SPTAN1: variants seen among roughly 807,000 people sequenced by gnomAD.
SPTAN1 encodes spectrin alpha, non-erythrocytic 1.
A neutral mutation model predicts 331.3 loss-of-function variants in SPTAN1; 61 were observed. The ratio of observed to expected loss-of-function variants is 0.18; its 90% CI spans 0.15 to 0.23. The LOEUF is 0.23. Among genes scored for constraint, SPTAN1 ranks in the 10% least tolerant of loss-of-function variants. SPTAN1 has a pLI of 1.00. For synonymous variants in SPTAN1, 1,153 were observed against 1,173.9 expected (o/e 0.98, Z 0.36); for missense variants, 2,043 against 3,147.9 (o/e 0.65, Z 8.40).
chr9:128,557,827 G>A lies in SPTAN1; in HGVS notation c.-4+5131G>A, dbSNP rs1295465279. 2.7e-4 allele frequency among the ~76,000 whole-genome samples: 34 copies of A among 126,248 alleles called. 1 individual carries two copies. In the Admixed American group the frequency reaches 2.9e-3, roughly 11 times the overall value. The allele number at this position is 126,248 out of a possible 152,430, so 82.8% of individuals were successfully genotyped here. Reference sequence around the variant, plus strand: ...TTTTTTTTTTTTTTTTTTTTGAGACGGAGTCTCGCTCTGTCGCCCAGGCTG... The same window carrying A: ...TTTTTTTTTTTTTTTTTTTTGAGACAGAGTCTCGCTCTGTCGCCCAGGCTG... On this transcript the variant is annotated intron_variant, in intron 1 of 56. Coordinates refer to ENST00000372739, the MANE Select transcript of SPTAN1 (RefSeq NM_001130438.3).
At chr9:128,604,233 C>A in intron 28 of SPTAN1, 93 bp from the exon 29 acceptor site, 2 of 1,226,212 alleles carry the variant, frequency 1.6e-6, no homozygotes, top group South Asian at 1.3e-5. Context: ...TATGCCCTAG[C>A]ATCTCCTTCA....
At position 128,594,140 on chromosome 9, in the gene SPTAN1, C is replaced by A. The variant is rs1416533410; in HGVS notation, c.3216-35C>A. On this transcript the variant is annotated intron_variant, in intron 23 of 56. Transcript: ENST00000372739. ...TTAGCATCTACAGCTAACTGCCTTC[C>A]TTGTCCCTCTTGTCACCCTCTTGAA... 2.5e-6 allele frequency: 4 copies of A among 1,611,378 alleles called. No homozygotes were observed. The Admixed American group carries it at 6.7e-5, about 27-fold the overall frequency.
chr9:128,579,008 G>A (rs576864516), intron 9 of SPTAN1, among the ~76,000 whole-genome samples: 72 of 152,228 alleles, frequency 4.7e-4, no homozygotes, highest in African/African-American at 1.7e-3. Flanking sequence ...ACAAAAGAGT[G>A]TAAGACACTT....
Position 128,629,158 on chromosome 9 carries a change from G to C in SPTAN1, c.6708-1163G>C. On this transcript the variant is annotated intron_variant, in intron 51 of 56. Transcript: ENST00000372739. The surrounding 1 kb of genome is among the most constrained non-coding windows in gnomAD (Gnocchi z 4.9). The stretch of plus-strand genomic sequence containing the variant: ...ATCGTCGGGTCATTCGTGTCTATCA[G>C]TATGAAGTTGGGGATGATCTGTCTG... 2.5e-6 allele frequency: 1 copy of C among 398,762 alleles called. No individual in the cohort carries two copies. 24.7% of individuals were successfully genotyped at this position (398,762 alleles called of 1,614,324 possible). A position where few individuals can be genotyped will look rare whatever the true frequency, so the allele number is the denominator to read the frequency against.
chr9:128,628,185 C>T (rs760617530), intron 51 of SPTAN1: 1 of 680,894 alleles, frequency 1.5e-6, no homozygotes, highest in South Asian at 1.5e-5. Context: ...TGGGCGATTC[C>T]AAGGGCTCAC....
In SPTAN1 at chr9:128,577,629, A is replaced by G; in HGVS notation, c.1085+123A>G. Reference sequence around the variant, plus strand: ...TGTCAGGTATCACCTACAAATGCAAATCACTTCTTACCTATGTTCTCTCTG... The same window carrying G: ...TGTCAGGTATCACCTACAAATGCAAGTCACTTCTTACCTATGTTCTCTCTG... On this transcript the variant is annotated intron_variant, in intron 8 of 56. Transcript: ENST00000372739. The surrounding 1 kb of genome is among the most constrained non-coding windows in gnomAD (Gnocchi z 4.2). The G allele has an allele frequency of 7.7e-7, 1 of 1,293,826 alleles. No individual in the cohort carries two copies. Among genetic ancestry groups the G allele is most frequent in the African/African-American group, 1.4e-5 (1 of 68,972 alleles). The allele number at this position is 1,293,826 out of a possible 1,614,324, so 80.1% of individuals were successfully genotyped here. A position where few individuals can be genotyped will look rare whatever the true frequency, so the allele number is the denominator to read the frequency against.
At position 128,613,518 on chromosome 9, in the gene SPTAN1, C is replaced by T. The variant is rs768382412; in HGVS notation, c.5148+33C>T. 5.1e-6 allele frequency: 8 copies of T among 1,555,030 alleles called. No individual in the cohort carries two copies. The Admixed American group carries it at 1.0e-4, about 19-fold the overall frequency. On this transcript the variant is annotated intron_variant, in intron 40 of 56. Coordinates refer to ENST00000372739, the MANE Select transcript of SPTAN1 (RefSeq NM_001130438.3). ...AAGGGAGGCGGGCCAGGCCCGAGTG[C>T]CTGGGACACAGCTCTGCCTGACTCC...
chr9:128,561,505 T>C (rs1849340058), intron 1 of SPTAN1, among the ~76,000 whole-genome samples: 2 of 144,950 alleles, frequency 1.4e-5, no homozygotes. Context: ...CTGCTAAAAA[T>C]ACAAAAAATT....
At chr9:128,633,016 G>A (rs1188872421) in intron 56 of SPTAN1, 61 bp downstream of exon 56, 29 of 1,603,712 alleles carry the variant, frequency 1.8e-5, no homozygotes, top group Non-Finnish European at 2.5e-5. Context: ...CAAATTTGTG[G>A]CAGAGCTGAG....
chr9:128,600,044 T>A, intron 26 of SPTAN1, 36 bp from the exon 27 acceptor site: 2 of 1,613,844 alleles, frequency 1.2e-6, no homozygotes, highest in Non-Finnish European at 1.7e-6. Context: ...TCATGGTCAA[T>A]TGCTTGGCTG....
intron 1 of SPTAN1, among the ~76,000 whole-genome samples, chr9:128,563,880 C>T (rs1347299207): frequency 1.3e-5 from 2 of 151,984 alleles, no homozygotes; most frequent in East Asian, 1.9e-4. Flanking sequence ...TCAAGCAATC[C>T]GCCCACCTCA....
intron 51 of SPTAN1, chr9:128,628,511 TAGAC>T (rs1400084280): frequency 3.4e-6 from 1 of 290,952 alleles, no homozygotes; most frequent in South Asian, 3.2e-5. Flanking sequence ...CGTTATGTGA[TAGAC>T]AGGACGTGGG....
Position 128,626,612 on chromosome 9 carries a change from A to G in SPTAN1, c.6501A>G (p.Val2167=), listed in dbSNP as rs867703193. ...ELDRQIKSFR[V]ASNPYTWFTM... is the part of the protein sequence containing the mutation. ...ACCGCCAGATCAAGAGCTTCCGCGT[A>G]GCCTCCAACCCCTACACCTGGTTTA... Residue 2167 remains valine (V), a synonymous_variant, in exon 49 of 57, where the codon GTA becomes GTG. Transcript: ENST00000372739. The G allele has an allele frequency of 1.1e-5, 18 of 1,613,918 alleles. No homozygotes were observed. The highest frequency in any genetic ancestry group is 8.0e-5 in the African/African-American group (6 of 74,986).
intron 3 of SPTAN1, among the ~76,000 whole-genome samples, chr9:128,572,488 G>A (rs10819412): frequency 0.73 from 110,733 of 152,166 alleles, 43,972 homozygotes; most frequent in Non-Finnish European, 0.9. Context: ...TTTCTTGAGG[G>A]TGTAAAAATG....
intron 51 of SPTAN1, 84 bp from the exon 52 acceptor site, chr9:128,630,237 A>G: frequency 6.8e-7 from 1 of 1,471,172 alleles, no homozygotes; most frequent in Non-Finnish European, 9.5e-7. Context: ...GTTGCCAGGC[A>G]TTGCTCTCTC....
rs781434997 is a variant in SPTAN1 at position 128,592,972 on chromosome 9, C to T, written c.3156-11C>T. ...ATTCGTGCATGCTTTTGCTGTGCCC[C>T]CTCTGTGCAGGACACGCATAACTAA... On this transcript the variant is annotated splice_polypyrimidine_tract_variant and intron_variant, in intron 22 of 56. Coordinates refer to ENST00000372739, the MANE Select transcript of SPTAN1 (RefSeq NM_001130438.3). 1 of 1,603,836 alleles carries T rather than the reference C, an allele frequency of 6.2e-7. No homozygotes were observed. Among genetic ancestry groups the T allele is most frequent in the Non-Finnish European group, 8.5e-7 (1 of 1,174,520 alleles).
At position 128,627,219 on chromosome 9, in the gene SPTAN1, A is replaced by G. The variant is rs1373179201; in HGVS notation, c.6577-167A>G. 8.9e-6 allele frequency: 6 copies of G among 670,680 alleles called. No individual in the cohort carries two copies. The Admixed American group carries it at 1.3e-4, about 15-fold the overall frequency. The allele number at this position is 670,680 out of a possible 1,614,324, so 41.5% of individuals were successfully genotyped here. On this transcript the variant is annotated intron_variant, in intron 49 of 56. Coordinates refer to ENST00000372739, the MANE Select transcript of SPTAN1 (RefSeq NM_001130438.3). The surrounding 1 kb of genome is among the most constrained non-coding windows in gnomAD (Gnocchi z 4.9). The stretch of plus-strand genomic sequence containing the variant: ...GCCCCTGGGGGGTGGGAACAGAGAA[A>G]GAACTACCAAGTGCTCTGAGCCGGC...
In SPTAN1 at chr9:128,570,324, ATATATATTTT is replaced by A. The variant is rs1384935297; in HGVS notation, c.363+1429_363+1438del. On this transcript the variant is annotated intron_variant, in intron 3 of 56. Transcript: ENST00000372739. Reference sequence around the variant, plus strand: ...ACAGCTTATATATATATATATATATATATATATTTTTTTTTTTTTTTTTTTTTTTTGAGAC... The same window carrying A: ...ACAGCTTATATATATATATATATATATTTTTTTTTTTTTTTTTTTTGAGAC... Among the ~76,000 whole-genome samples, 48 of 32,214 alleles carry A rather than the reference ATATATATTTT, an allele frequency of 1.5e-3. No individual in the cohort carries two copies. The South Asian group carries it at 0.021, about 14-fold the overall frequency. The allele number at this position is 32,214 out of a possible 152,430, so 21.1% of individuals were successfully genotyped here.
At chr9:128,614,109 G>A (rs1042357316) in intron 40 of SPTAN1, among the ~76,000 whole-genome samples, 13 of 152,026 alleles carry the variant, frequency 8.6e-5, no homozygotes, top group African/African-American at 2.9e-4. Flanking sequence ...ATTTTGATTC[G>A]GGTAAGTGTG....
Sources: allele counts gnomAD v4.1 joint callset (sites outside exome capture counted in the v4.1 genomes callset), GRCh38; gene constraint gnomAD v4.1.1; non-coding constraint Gnocchi (gnomAD v3.1); transcripts MANE v1.5; gene names NCBI Gene and HGNC (gene_info 2026-07-23, HGNC 2026-07-21).